CEP89: variants seen among roughly 807,000 people sequenced by gnomAD.
CEP89 encodes the protein centrosomal protein 89, also known as centrosomal protein of 89 kDa.
CEP89 carries 95 observed loss-of-function variants against 97.6 expected under a neutral mutation model. The ratio of observed to expected loss-of-function variants is 0.97; its 90% confidence interval spans 0.82 to 1.15. The LOEUF is 1.15. Ranked by LOEUF, CEP89 falls within the 50% of genes most tolerant of loss-of-function variation. The pLI is 0.00. For missense variants in CEP89, 869 were observed against 947.7 expected (o/e 0.92, Z 1.09); for synonymous variants, 354 against 349.1 (o/e 1.01, Z -0.16).
intron 6 of CEP89, among the ~76,000 whole-genome samples, chr19:32,938,356 A>C (rs1970620005): frequency 1.3e-5 from 2 of 152,094 alleles, no homozygotes; most frequent in South Asian, 4.1e-4. Context: ...GCCTCTTCTC[A>C]CTGGGATGGG....
chr19:32,901,996 GTCTCTCTC>G (rs149379505), intron 14 of CEP89, among the ~76,000 whole-genome samples: 2 of 141,742 alleles, frequency 1.4e-5, no homozygotes, highest in African/African-American at 5.3e-5. Context: ...CTGTCTCTCT[GTCTCTCTC>G]TCTCTCTGTG....
At chr19:32,940,569 T>C (rs1970667990) in intron 5 of CEP89, among the ~76,000 whole-genome samples, 2 of 152,176 alleles carry the variant, frequency 1.3e-5, no homozygotes, top group African/African-American at 2.4e-5. Context: ...CTACCCTCCC[T>C]AGATGCATCA....
At chr19:32,920,593 C>T (rs1169773174) in intron 12 of CEP89, among the ~76,000 whole-genome samples, 1 of 152,116 alleles carries the variant, frequency 6.6e-6, no homozygotes, top group Non-Finnish European at 1.5e-5. Flanking sequence ...AAGTGATTCT[C>T]CTGCCTCAGG....
intron 8 of CEP89, among the ~76,000 whole-genome samples, chr19:32,931,909 C>T (rs1330675182): frequency 1.3e-5 from 2 of 152,104 alleles, no homozygotes; most frequent in Non-Finnish European, 2.9e-5. Context: ...AGGCCGGGTG[C>T]GGTGGCTCAC....
chr19:32,896,663 A>G (rs1273048735), intron 16 of CEP89, among the ~76,000 whole-genome samples: 1 of 152,148 alleles, frequency 6.6e-6, no homozygotes, highest in Non-Finnish European at 1.5e-5. Flanking sequence ...GAAACAATCA[A>G]TAGAATGAAG....
At chr19:32,955,184 T>C (rs1234681456) in intron 3 of CEP89, among the ~76,000 whole-genome samples, 1 of 151,874 alleles carries the variant, frequency 6.6e-6, no homozygotes, top group Non-Finnish European at 1.5e-5. Context: ...GTATTTTTAG[T>C]AGAGAAGGGG....
intron 1 of CEP89, among the ~76,000 whole-genome samples, chr19:32,967,694 A>C (rs1156842252): frequency 6.6e-6 from 1 of 152,256 alleles, no homozygotes; most frequent in Non-Finnish European, 1.5e-5. Context: ...CTGGGCTTTC[A>C]GAGATGCCCA....
chr19:32,881,758 T>C (rs1969285477), intron 18 of CEP89, 86 bp downstream of exon 18: 14 of 1,294,990 alleles, frequency 1.1e-5, no homozygotes, highest in Non-Finnish European at 1.5e-5. Context: ...ATGGAACAAA[T>C]AAAACAGGCC....
chr19:32,952,163 A>G (rs530274412), intron 4 of CEP89, among the ~76,000 whole-genome samples: 2 of 152,262 alleles, frequency 1.3e-5, no homozygotes, highest in African/African-American at 4.8e-5. Flanking sequence ...GATCCCTCAA[A>G]ATAAGCTCCT....
At chr19:32,930,719 C>A (rs1970454175) in intron 9 of CEP89, among the ~76,000 whole-genome samples, 1 of 152,184 alleles carries the variant, frequency 6.6e-6, no homozygotes, top group African/African-American at 2.4e-5. Flanking sequence ...GCATCTCATG[C>A]AGTGACCTGC....
chr19:32,970,409 A>C (rs538704958), intron 1 of CEP89: 37 of 152,036 alleles, frequency 2.4e-4, no homozygotes, highest in African/African-American at 8.7e-4. Context: ...TAATCCCAAC[A>C]CTCTGGAGGC....
chr19:32,909,732 G>C (rs1042916027), intron 14 of CEP89, among the ~76,000 whole-genome samples: 2 of 152,152 alleles, frequency 1.3e-5, no homozygotes, highest in Admixed American at 1.3e-4. Context: ...CAAACGATTG[G>C]GAAATGGAGA....
intron 9 of CEP89, chr19:32,931,116 C>G (rs1440241793): frequency 2.6e-6 from 1 of 382,568 alleles, no homozygotes; most frequent in Admixed American, 4.5e-5. Flanking sequence ...TCTCAAACTC[C>G]AGAGCTCAAG....
At chr19:32,924,304 T>C (rs1259859372) in intron 11 of CEP89, among the ~76,000 whole-genome samples, 1 of 152,198 alleles carries the variant, frequency 6.6e-6, no homozygotes, top group Non-Finnish European at 1.5e-5. Flanking sequence ...AGGCTCTTAG[T>C]TTTGTCCATG....
rs1212398167 is a variant in CEP89, at chr19:32,899,906, A to T, written c.1826T>A (p.Val609Asp). Residue 609 changes from valine (V) to aspartate (D), a missense_variant, in exon 16 of 19, where the codon GTT (valine) becomes GAT (aspartate). Val to Asp is a radical substitution (Grantham distance 152). Transcript: ENST00000305768. ...MSAHQYLANLVGLAENITQER... is the reference protein window; with the variant it reads ...MSAHQYLANLDGLAENITQER... ...CTGGGTTATGTTTTCTGCCAGGCCAACAAGGTTTGCCAGGTACTGATGAGC... is the reference window on the plus strand; with the variant it reads ...CTGGGTTATGTTTTCTGCCAGGCCATCAAGGTTTGCCAGGTACTGATGAGC... The T allele has an allele frequency of 6.2e-7, 1 of 1,614,100 alleles. No homozygotes were observed. The highest frequency in any genetic ancestry group is 2.2e-5 in the East Asian group (1 of 44,880).
At position 32,917,866 on chromosome 19, in the gene CEP89, C is replaced by T. The variant is rs747565760; in HGVS notation, c.1384+358G>A. The T allele has an allele frequency of 2.1e-5, 17 of 813,230 alleles. No individual in the cohort carries two copies. The South Asian group carries it at 3.4e-4, about 16-fold the overall frequency. 50.4% of individuals were successfully genotyped at this position (813,230 alleles called of 1,614,324 possible). A position where few individuals can be genotyped will look rare whatever the true frequency, so the allele number is the denominator to read the frequency against. ...TTTAGAAAGTGAATGGTTCTGCTTA[C>T]GCATCCAACAAACATCTGGGAAGAG... On this transcript the variant is annotated intron_variant, in intron 13 of 18. Transcript: ENST00000305768.
At chr19:32,969,971 C>T (rs1971364848) in intron 1 of CEP89, 1 of 152,268 alleles carries the variant, frequency 6.6e-6, no homozygotes, top group Admixed American at 6.5e-5. Context: ...AGTGTGCAGC[C>T]CTAGCCACAC....
intron 14 of CEP89, among the ~76,000 whole-genome samples, chr19:32,905,384 C>T (rs917706827): frequency 5.9e-5 from 9 of 152,090 alleles, no homozygotes; most frequent in Non-Finnish European, 1.5e-5. Flanking sequence ...AGCATTAATT[C>T]TTTTTCTGTT....
intron 4 of CEP89, among the ~76,000 whole-genome samples, chr19:32,952,011 C>T (rs1970930389): frequency 6.6e-6 from 1 of 152,076 alleles, no homozygotes; most frequent in Admixed American, 6.6e-5. Context: ...CTGCAGAGCT[C>T]GACAGGAGCA....
Sources: gnomAD v4.1 joint callset for allele counts (sites outside exome capture counted in the v4.1 genomes callset) on GRCh38, gnomAD v4.1.1 for gene constraint, MANE v1.5 for transcripts, NCBI Gene and HGNC (gene_info 2026-07-23, HGNC 2026-07-21) for gene names.